The following DNAH8 variants were observed in gnomAD, a reference collection of about 807,000 sequenced individuals.
DNAH8 encodes the protein axonemal beta dynein heavy chain 8.
Under a neutral mutation model 562.1 loss-of-function variants are expected in DNAH8, and 382 were observed. The ratio of observed to expected loss-of-function variants is 0.68; its 90% confidence interval spans 0.63 to 0.74. The LOEUF (loss-of-function observed/expected upper bound fraction) is 0.74. Ranked by LOEUF, DNAH8 falls within the 30% of genes least tolerant of loss-of-function variation. The pLI, the probability that DNAH8 is intolerant of heterozygous loss-of-function variation, is 0.00. For synonymous variants in DNAH8, 1,881 were observed against 1,919.4 expected, an observed-to-expected ratio of 0.98 and a Z score of 0.52; for missense variants, 5,203 against 5,620.4, an observed-to-expected ratio of 0.93 and a Z score of 2.37.
At chr6:38,972,487 T>A (rs993544760) in intron 83 of DNAH8, among the ~76,000 whole-genome samples, 1 of 152,216 alleles carries the variant, frequency 6.6e-6, no homozygotes, top group African/African-American at 2.4e-5. Context: ...CTCAAAGCAA[T>A]TATACATAAT....
chr6:38,822,995 C>G lies in DNAH8; in HGVS notation c.3681C>G (p.Tyr1227Ter). The change falls in exon 27 of 93, where the codon TAC becomes TAG. Residue 1227 changes from tyrosine to a stop codon, truncating the protein, a stop_gained. Transcript: ENST00000327475. LOFTEE classifies it high-confidence loss of function. ...AGGCCCTGCAGGACTTTCAGAAGTACAAGACTCTCTGGACAGAGGACCGCG... is the reference window on the plus strand; with the variant it reads ...AGGCCCTGCAGGACTTTCAGAAGTAGAAGACTCTCTGGACAGAGGACCGCG... ...AHEALQDFQK[Y>*]KTLWTEDRDV... is the part of the protein sequence containing the mutation. 6.2e-7 allele frequency: 1 copy of G among 1,607,080 alleles called. No individual in the cohort carries two copies. The highest frequency in any genetic ancestry group is 8.5e-7 in the Non-Finnish European group (1 of 1,178,126).
At chr6:38,938,693 C>G (rs1561889144) in intron 78 of DNAH8, 105 bp from the exon 79 acceptor site, 1 of 729,108 alleles carries the variant, frequency 1.4e-6, no homozygotes, top group African/African-American at 1.8e-5. Context: ...ACCACCATGA[C>G]ATAGGTTTAC....
chr6:38,848,851 C>G (rs200542775), intron 37 of DNAH8, 50 bp downstream of exon 37: 1 of 1,560,082 alleles, frequency 6.4e-7, no homozygotes, highest in East Asian at 2.2e-5. Flanking sequence ...TGTATGTTGT[C>G]TATATGTCTC....
intron 79 of DNAH8, 40 bp downstream of exon 79, chr6:38,939,028 T>C (rs1369603189): frequency 6.6e-7 from 1 of 1,521,758 alleles, no homozygotes; most frequent in South Asian, 1.2e-5. Flanking sequence ...GTGGAGGATG[T>C]TGCTTTTGAT....
chr6:38,991,455 G>A (rs576496715), intron 88 of DNAH8, among the ~76,000 whole-genome samples: 12 of 152,286 alleles, frequency 7.9e-5, no homozygotes, highest in East Asian at 1.9e-4. Context: ...AACTCTTAAC[G>A]TTTTATGAAA....
At chr6:38,849,643 G>A (rs1738187) in intron 37 of DNAH8, among the ~76,000 whole-genome samples, 15,597 of 149,442 alleles carry the variant, frequency 0.1, 2,540 homozygotes, top group African/African-American at 0.35. Context: ...AAACTGAAAT[G>A]TATCATTTTT....
At chr6:38,982,924 A>G (rs1344180238) in intron 86 of DNAH8, among the ~76,000 whole-genome samples, 1 of 152,022 alleles carries the variant, frequency 6.6e-6, no homozygotes, top group African/African-American at 2.4e-5. Context: ...TGCAGTTTTC[A>G]AAGTTCTCAT....
chr6:38,747,640 T>A (rs1489220856), intron 8 of DNAH8, among the ~76,000 whole-genome samples: 2 of 152,168 alleles, frequency 1.3e-5, no homozygotes, highest in African/African-American at 4.8e-5. Context: ...CCGCCTTGGC[T>A]GCCCAAAGTG....
At chr6:38,976,560 C>T (rs142204814) in intron 85 of DNAH8, among the ~76,000 whole-genome samples, 232 of 152,306 alleles carry the variant, frequency 1.5e-3, no homozygotes, top group African/African-American at 5.2e-3. Context: ...GAAGCATCAA[C>T]ATCACTTGGG....
In DNAH8 at chr6:38,873,284, C is replaced by T. The variant is rs765459372; in HGVS notation, c.7528C>T (p.Leu2510=). The change falls in exon 52 of 93, where the codon CTG becomes TTG. Residue 2510 remains leucine (L), a synonymous_variant. Transcript: ENST00000327475. ...ACAGGAAGCTGCTGTATTCCTGACACTGTATGAGAAAGTCTTTGAAGATAC... is the reference window on the plus strand; with the variant it reads ...ACAGGAAGCTGCTGTATTCCTGACATTGTATGAGAAAGTCTTTGAAGATAC... ...TAQEAAVFLT[L]YEKVFEDTYT... is the part of the protein sequence containing the mutation. 2 of 1,613,688 alleles carry T rather than the reference C, an allele frequency of 1.2e-6. No individual in the cohort carries two copies. Among genetic ancestry groups the T allele is most frequent in the Middle Eastern group, 1.7e-4 (1 of 6,060 alleles).
chr6:39,014,971 A>C (rs1187030406), intron 91 of DNAH8, among the ~76,000 whole-genome samples: 3 of 152,080 alleles, frequency 2.0e-5, no homozygotes, highest in Non-Finnish European at 2.9e-5. Context: ...GAGGGAACAG[A>C]TTTGATGGAG....
chr6:38,852,724 A>T lies in DNAH8; in HGVS notation c.5497A>T (p.Asn1833Tyr). ...PHLPAVSDNI[N>Y]EVTFHAKDYD... Reference sequence around the variant, plus strand: ...TCTCCCTGCAGTATCTGACAACATCAATGAGGTGACATTTCATGCAAAAGA... The same window carrying T: ...TCTCCCTGCAGTATCTGACAACATCTATGAGGTGACATTTCATGCAAAAGA... The change falls in exon 40 of 93, where the codon AAT (asparagine) becomes TAT (tyrosine). Residue 1833 changes from asparagine (N) to tyrosine (Y), a missense_variant. Transcript: ENST00000327475. 1 of 1,613,800 alleles carries T rather than the reference A, an allele frequency of 6.2e-7. No homozygotes were observed.
chr6:38,929,343 A>G, intron 74 of DNAH8, 168 bp from the exon 75 acceptor site: 1 of 613,108 alleles, frequency 1.6e-6, no homozygotes, highest in Non-Finnish European at 2.6e-6. Flanking sequence ...ATCATGACTC[A>G]CCAAGTTTTA....
chr6:38,927,797 T>A (rs1782232776), intron 74 of DNAH8, among the ~76,000 whole-genome samples: 1 of 152,190 alleles, frequency 6.6e-6, no homozygotes, highest in Non-Finnish European at 1.5e-5. Context: ...TTACTGATAG[T>A]CTTCACTGAA....
At chr6:38,996,619 G>A (rs1411866410) in intron 88 of DNAH8, among the ~76,000 whole-genome samples, 2 of 152,236 alleles carry the variant, frequency 1.3e-5, no homozygotes, top group Non-Finnish European at 2.9e-5. Context: ...GTAAGTCCAG[G>A]TGTGTGAGGA....
In DNAH8 at chr6:38,807,707, T is replaced by C. The variant is rs1260206894; in HGVS notation, c.3248T>C (p.Phe1083Ser). The change falls in exon 24 of 93, where the codon TTT becomes TCT. Residue 1083 changes from phenylalanine to serine, a missense_variant. This residue lies in a region of DNAH8 where 2,176 missense variants were observed against 2,365.1 expected (regional missense o/e 0.92). Transcript: ENST00000327475. ...LSLDTMKRRIFVASLYGRKQS... is the reference protein window; with the variant it reads ...LSLDTMKRRISVASLYGRKQS... ...CTGGACACAATGAAAAGAAGAATAT[T>C]TGTTGCAAGGCAAGTTGAAAATATG... 5 of 1,516,544 alleles carry C rather than the reference T, an allele frequency of 3.3e-6. No individual in the cohort carries two copies. Among genetic ancestry groups the C allele is most frequent in the Non-Finnish European group, 3.5e-6 (4 of 1,133,348 alleles). The allele number at this position is 1,516,544 out of a possible 1,614,324, so 93.9% of individuals were successfully genotyped here. A position where few individuals can be genotyped will look rare whatever the true frequency, so the allele number is the denominator to read the frequency against.
chr6:38,998,729 T>C (rs548488828), intron 88 of DNAH8, among the ~76,000 whole-genome samples: 8 of 152,328 alleles, frequency 5.3e-5, no homozygotes, highest in African/African-American at 1.9e-4. Context: ...TGACCCTGAC[T>C]TCCCAGAACC....
Position 38,790,287 on chromosome 6 carries a change from A to T in DNAH8, c.2665-2A>T. 6.4e-7 allele frequency: 1 copy of T among 1,564,370 alleles called. No homozygotes were observed. The highest frequency in any genetic ancestry group is 8.8e-7 in the Non-Finnish European group (1 of 1,138,132). ...AAGCAGTTGTGTTTTTACCGTTTCT[A>T]GGTGGAATCTGTGTTGAGGCAAGGA... On this transcript the variant is annotated splice_acceptor_variant, in intron 19 of 92. Coordinates refer to ENST00000327475, the MANE Select transcript of DNAH8 (RefSeq NM_001206927.2). LOFTEE classifies it high-confidence loss of function.
chr6:38,771,018 T>G (rs959771699), intron 12 of DNAH8, among the ~76,000 whole-genome samples: 4 of 152,194 alleles, frequency 2.6e-5, no homozygotes, highest in African/African-American at 9.7e-5. Flanking sequence ...ATAGGTTTGA[T>G]TAATTTATTA....
Sources: gnomAD v4.1 joint callset for allele counts (sites outside exome capture counted in the v4.1 genomes callset) on GRCh38, gnomAD v4.1.1 for gene constraint, gnomAD v4.1.1 regional missense constraint, MANE v1.5 for transcripts, NCBI Gene and HGNC (gene_info 2026-07-23, HGNC 2026-07-21) for gene names.